The following CHST9 variants were observed in gnomAD, a reference collection of about 807,000 sequenced individuals.
The protein encoded by CHST9 is GalNAc-4-sulfotransferase 2.
A neutral mutation model predicts 44.4 loss-of-function variants in CHST9; 41 were observed. That is an observed-to-expected ratio of 0.92 (90% CI 0.72 to 1.20). CHST9 has a LOEUF of 1.20. CHST9 is among the 50% of genes most tolerant of loss of function. The pLI is 0.00. For missense variants in CHST9, 504 were observed against 516.5 expected (o/e 0.98, Z 0.23); for synonymous variants, 171 against 178.4 (o/e 0.96, Z 0.33).
At chr18:27,120,375 C>T (rs1567924335) in intron 2 of CHST9, among the ~76,000 whole-genome samples, 1 of 152,120 alleles carries the variant, frequency 6.6e-6, no homozygotes, top group African/African-American at 2.4e-5. Context: ...ATTTTTCTCC[C>T]CTTGCCTTTT....
intron 4 of CHST9, among the ~76,000 whole-genome samples, chr18:26,967,535 C>A (rs1352722895): frequency 6.6e-6 from 1 of 152,098 alleles, no homozygotes; most frequent in Non-Finnish European, 1.5e-5. Flanking sequence ...GGGCAGATAA[C>A]TATTGTATGT....
intron 2 of CHST9, among the ~76,000 whole-genome samples, chr18:27,108,676 T>C (rs1397134171): frequency 1.3e-5 from 2 of 152,154 alleles, no homozygotes; most frequent in African/African-American, 4.8e-5. Context: ...TGTGGACAAG[T>C]TGAAAGGGAA....
At chr18:27,137,473 T>C (rs967571973) in intron 2 of CHST9, among the ~76,000 whole-genome samples, 1 of 151,642 alleles carries the variant, frequency 6.6e-6, no homozygotes, top group African/African-American at 2.4e-5. Context: ...CTCCTGAAAC[T>C]GAGCACATCC....
rs113268158 is a variant in CHST9 at position 27,117,291 on chromosome 18, G to A, written c.121+25398C>T. Among the ~76,000 whole-genome samples the A allele has an allele frequency of 2.4e-3, 368 of 152,056 alleles. 4 individuals are homozygous for A. Among genetic ancestry groups the A allele is most frequent in the Non-Finnish European group, 4.5e-3 (305 of 67,968 alleles). ...GTAGTTTTAGGTTCAAAGAAAAACT[G>A]AGCTGAAGATAGAGAATTTCCATAT... On this transcript the variant is annotated intron_variant, in intron 2 of 5. Transcript: ENST00000618847.
In CHST9 at chr18:27,063,680, T is replaced by A. The variant is rs535850543; in HGVS notation, c.122-15177A>T. Among the ~76,000 whole-genome samples the A allele has an allele frequency of 2.2e-4, 34 of 152,354 alleles. No homozygotes were observed. The East Asian group carries it at 4.4e-3, about 20-fold the overall frequency. On this transcript the variant is annotated intron_variant, in intron 2 of 5. Coordinates refer to ENST00000618847, the MANE Select transcript of CHST9 (RefSeq NM_031422.6). The stretch of plus-strand genomic sequence containing the variant: ...CAAAATATGTAAGTTTTTCCTTCCA[T>A]AAAATTATCTGAACTGGCTGCTTAC...
At chr18:27,098,623 T>C (rs2058141249) in intron 2 of CHST9, among the ~76,000 whole-genome samples, 2 of 152,008 alleles carry the variant, frequency 1.3e-5, no homozygotes, top group Non-Finnish European at 2.9e-5. Context: ...TATGCAGCCA[T>C]AAAAAAGAAT....
intron 1 of CHST9, among the ~76,000 whole-genome samples, chr18:27,181,225 A>C (rs2058909384): frequency 6.6e-6 from 1 of 152,182 alleles, no homozygotes. Flanking sequence ...AATTCAACAA[A>C]ATCTATGTCC....
intron 4 of CHST9, among the ~76,000 whole-genome samples, chr18:26,997,644 G>GTAGC (rs1156846244): frequency 6.6e-6 from 1 of 152,192 alleles, no homozygotes; most frequent in Non-Finnish European, 1.5e-5. Flanking sequence ...ATGTGATCTT[G>GTAGC]TAGCTTGGTG....
At chr18:27,060,318 C>A (rs2057706962) in intron 2 of CHST9, among the ~76,000 whole-genome samples, 1 of 152,146 alleles carries the variant, frequency 6.6e-6, no homozygotes, top group African/African-American at 2.4e-5. Flanking sequence ...GGAAGAGACA[C>A]TCCAGGAGTG....
At chr18:27,131,347 C>T (rs150266355) in intron 2 of CHST9, among the ~76,000 whole-genome samples, 2,696 of 151,144 alleles carry the variant, frequency 0.018, 69 homozygotes, top group African/African-American at 0.06. Context: ...GTCAGGAGTT[C>T]GAGACCAGCC....
chr18:27,055,910 C>CT (rs2057649066), intron 2 of CHST9, among the ~76,000 whole-genome samples: 1 of 149,868 alleles, frequency 6.7e-6, no homozygotes, highest in Non-Finnish European at 1.5e-5. Context: ...ATTACATGTG[C>CT]TTTTTCTTCT....
At chr18:27,069,485 A>G (rs2143641881) in intron 2 of CHST9, among the ~76,000 whole-genome samples, 1 of 152,320 alleles carries the variant, frequency 6.6e-6, no homozygotes, top group Admixed American at 6.5e-5. Flanking sequence ...ATGATAGAAA[A>G]TGTTCCCAAA....
At position 27,139,815 on chromosome 18, in the gene CHST9, A is replaced by ATAATTT; in HGVS notation, c.121+2868_121+2873dup. On this transcript the variant is annotated intron_variant, in intron 2 of 5. Transcript: ENST00000618847. ...GTTTTACCAGTCTTAACCAAGGAAA[A>ATAATTT]TAATTTTCCAACACTTGGGAAAATT... 3.9e-5 allele frequency among the ~76,000 whole-genome samples: 6 copies of ATAATTT among 152,340 alleles called. No individual in the cohort carries two copies. The South Asian group carries it at 1.2e-3, about 32-fold the overall frequency.
Position 27,131,410 on chromosome 18 carries a change from G to C in CHST9, c.121+11279C>G, listed in dbSNP as rs541243701. 1.2e-3 allele frequency among the ~76,000 whole-genome samples: 178 copies of C among 152,290 alleles called. 1 individual carries two copies. Among genetic ancestry groups the C allele is most frequent in the African/African-American group, 3.5e-3 (145 of 41,562 alleles). On this transcript the variant is annotated intron_variant, in intron 2 of 5. Transcript: ENST00000618847. ...AATAAAAATACAGAAAATTAGCTGG[G>C]CGTGGTGGCGCACGCCTGTACTTCC...
At chr18:26,922,845 A>C (rs1005811711) in intron 5 of CHST9, among the ~76,000 whole-genome samples, 16 of 152,164 alleles carry the variant, frequency 1.1e-4, no homozygotes, top group African/African-American at 3.9e-4. Context: ...CATGTTGGCC[A>C]GGCTGGTCTC....
At chr18:26,932,200 G>A (rs1413334686) in intron 5 of CHST9, among the ~76,000 whole-genome samples, 1 of 152,090 alleles carries the variant, frequency 6.6e-6, no homozygotes, top group East Asian at 1.9e-4. Context: ...AAAGTACTAG[G>A]CTCTTGCTCC....
At chr18:26,992,234 C>T (rs1428390916) in intron 4 of CHST9, among the ~76,000 whole-genome samples, 1 of 126,320 alleles carries the variant, frequency 7.9e-6, no homozygotes, top group Non-Finnish European at 1.8e-5. Context: ...GAATTAGAAG[C>T]GAGTGACATG....
rs995732945 is a variant in CHST9 at position 27,117,184 on chromosome 18, GA to G, written c.121+25504del. 9.2e-5 allele frequency among the ~76,000 whole-genome samples: 14 copies of G among 152,020 alleles called. No individual in the cohort carries two copies. In the East Asian group the frequency reaches 1.3e-3, roughly 15 times the overall value. ...TTAAATTACTTGGATATTTATGATA[GA>G]AAAAAATATATCTACCCTATGTCAG... On this transcript the variant is annotated intron_variant, in intron 2 of 5. Coordinates refer to ENST00000618847, the MANE Select transcript of CHST9 (RefSeq NM_031422.6).
intron 1 of CHST9, among the ~76,000 whole-genome samples, chr18:27,145,174 G>A (rs774635001): frequency 2.6e-4 from 40 of 151,370 alleles, no homozygotes; most frequent in South Asian, 4.2e-4. Context: ...CTTCTTTTCC[G>A]TTTGTTTGTT....
Sources: gnomAD v4.1 joint callset for allele counts (sites outside exome capture counted in the v4.1 genomes callset) on GRCh38, gnomAD v4.1.1 for gene constraint, MANE v1.5 for transcripts, NCBI Gene and HGNC (gene_info 2026-07-23, HGNC 2026-07-21) for gene names.